ADGRE1: variants seen among roughly 807,000 people sequenced by gnomAD.
ADGRE1 encodes the protein EGF-like module receptor 1.
In ADGRE1, 82 loss-of-function variants were observed where a neutral mutation model predicts 102.7. The observed-to-expected ratio is 0.80, with a 90% CI of 0.67 to 0.96. The LOEUF (loss-of-function observed/expected upper bound fraction) is 0.96. ADGRE1 is among the 40% of genes least tolerant of loss of function. The pLI, the probability that ADGRE1 is intolerant of heterozygous loss-of-function variation, is 0.00. For synonymous variants in ADGRE1, 398 were observed against 399.6 expected (o/e 1.00, Z 0.05); for missense variants, 1,032 against 1,085.3 (o/e 0.95, Z 0.69).
chr19:6,891,610 C>T (rs1429228847), intron 2 of ADGRE1, among the ~76,000 whole-genome samples: 4 of 152,004 alleles, frequency 2.6e-5, no homozygotes, highest in Admixed American at 6.6e-5. Context: ...CCCGCCACCA[C>T]GCCTGGCTAA....
chr19:6,903,805 C>T lies in ADGRE1; in HGVS notation c.662-5C>T. On this transcript the variant is annotated splice_region_variant and splice_polypyrimidine_tract_variant and intron_variant, in intron 6 of 20. Transcript: ENST00000312053. The stretch of plus-strand genomic sequence containing the variant: ...TTGGCTCCACACCCATTCTGTACCC[C>T]ACAGATATTGATGAATGCACTGAAA... 2 of 1,613,970 alleles carry T rather than the reference C, an allele frequency of 1.2e-6. No homozygotes were observed. Among genetic ancestry groups the T allele is most frequent in the Non-Finnish European group, 8.5e-7 (1 of 1,179,904 alleles).
At chr19:6,891,074 T>A (rs1973348676) in intron 2 of ADGRE1, 2 of 152,462 alleles carry the variant, frequency 1.3e-5, no homozygotes, top group Admixed American at 1.3e-4. Context: ...ATTGTAAGAA[T>A]CCCCACGTGT....
Position 6,935,041 on chromosome 19 carries a change from A to G in ADGRE1, c.2344A>G (p.Ser782Gly), listed in dbSNP as rs1975340214. Residue 782 changes from serine (S) to glycine (G), a missense_variant, in exon 18 of 21, where the codon AGT (serine) becomes GGT (glycine). Ser to Gly is a moderately conservative substitution (Grantham distance 56). Transcript: ENST00000312053. Reference protein sequence around the residue: ...TLWILRQRLSSVNAEVSTLKD... With the variant: ...TLWILRQRLSGVNAEVSTLKD... ...GTGGATCCTGAGGCAGAGGCTTTCC[A>G]GTGTTAATGCCGAAGTCTCAACGCT... 6.2e-7 allele frequency: 1 copy of G among 1,601,484 alleles called. No individual in the cohort carries two copies. The highest frequency in any genetic ancestry group is 8.5e-7 in the Non-Finnish European group (1 of 1,173,604).
intron 14 of ADGRE1, among the ~76,000 whole-genome samples, chr19:6,923,082 G>GAAAA (rs1974738339): frequency 1.3e-5 from 2 of 152,064 alleles, no homozygotes. Flanking sequence ...GTCTCAAAAA[G>GAAAA]AAAGAAAGTA....
intron 2 of ADGRE1, among the ~76,000 whole-genome samples, chr19:6,890,916 A>G (rs1353186596): frequency 6.6e-6 from 1 of 152,072 alleles, no homozygotes; most frequent in Non-Finnish European, 1.5e-5. Context: ...TCAAACTACA[A>G]CTCAATGTGC....
intron 18 of ADGRE1, 78 bp downstream of exon 18, chr19:6,935,156 G>C: frequency 9.0e-7 from 1 of 1,113,768 alleles, no homozygotes. Context: ...AGCACTTCTT[G>C]TGTGCTGGGT....
intron 17 of ADGRE1, among the ~76,000 whole-genome samples, chr19:6,934,328 C>T (rs1285583983): frequency 6.6e-6 from 1 of 151,972 alleles, no homozygotes; most frequent in Non-Finnish European, 1.5e-5. Context: ...CTAACTAAGT[C>T]CTGCTGTCTT....
chr19:6,921,905 C>T (rs1416186542), intron 14 of ADGRE1, 22 bp downstream of exon 14: 1 of 1,583,314 alleles, frequency 6.3e-7, no homozygotes, highest in East Asian at 2.3e-5. Flanking sequence ...TGATTTGTTC[C>T]CTGAGGCAGA....
chr19:6,896,801 T>C, intron 3 of ADGRE1: 1 of 510,914 alleles, frequency 2.0e-6, no homozygotes. Flanking sequence ...CCTTGCTACT[T>C]CCCCACCCTT....
In ADGRE1 at chr19:6,904,019, T is replaced by A. The variant is rs747785291; in HGVS notation, c.803-17T>A. ...TTTGCTCTTCTGGGTTTCTTGATAT[T>A]CTCCAGTTCTTTGCAGATATTGATG... On this transcript the variant is annotated splice_polypyrimidine_tract_variant and intron_variant, in intron 7 of 20. Coordinates refer to ENST00000312053, the MANE Select transcript of ADGRE1 (RefSeq NM_001974.5). The A allele has an allele frequency of 6.2e-7, 1 of 1,614,042 alleles. No homozygotes were observed. The highest frequency in any genetic ancestry group is 2.2e-5 in the East Asian group (1 of 44,888).
Position 6,928,151 on chromosome 19 carries a change from G to A in ADGRE1, c.2229G>A (p.Trp743Ter). 6.2e-7 allele frequency: 1 copy of A among 1,613,756 alleles called. No individual in the cohort carries two copies. The highest frequency in any genetic ancestry group is 8.5e-7 in the Non-Finnish European group (1 of 1,179,834). ...PQGYGMHNRC[W>*]LNTETGFIWS... is the part of the protein sequence containing the mutation. ...CTCCTATTTCTCTCCACAGCTGCTG[G>A]CTGAATACAGAGACAGGGTTCATCT... Residue 743 changes from tryptophan (W) to a stop codon, truncating the protein, a stop_gained, in exon 17 of 21, where the codon TGG (tryptophan) becomes TGA (stop). Coordinates refer to ENST00000312053, the MANE Select transcript of ADGRE1 (RefSeq NM_001974.5). LOFTEE classifies it high-confidence loss of function.
chr19:6,902,042 A>C, intron 6 of ADGRE1, 21 bp downstream of exon 6: 1 of 1,613,866 alleles, frequency 6.2e-7, no homozygotes, highest in Non-Finnish European at 8.5e-7. Flanking sequence ...GTGTCTTCTG[A>C]GAAGTCAGGT....
At chr19:6,907,390 G>C (rs903491222) in intron 9 of ADGRE1, among the ~76,000 whole-genome samples, 3 of 150,902 alleles carry the variant, frequency 2.0e-5, no homozygotes, top group Non-Finnish European at 2.9e-5. Flanking sequence ...CCAGGCTGGA[G>C]TGCAGTGGGG....
rs767851248 is a variant in ADGRE1 at position 6,903,952 on chromosome 19, T to C, written c.802+2T>C. The C allele has an allele frequency of 3.7e-6, 6 of 1,614,178 alleles. No individual in the cohort carries two copies. Among genetic ancestry groups the C allele is most frequent in the Non-Finnish European group, 5.1e-6 (6 of 1,180,030 alleles). On this transcript the variant is annotated splice_donor_variant, in intron 7 of 20. Transcript: ENST00000312053. LOFTEE classifies it high-confidence loss of function. ...CAGACCAAGGAGTGGAATGTAGAGG[T>C]GAGCAGAGAGTTTGATGGACAATCC... is the stretch of plus-strand genomic sequence containing the variant.
At chr19:6,924,973 G>C in intron 15 of ADGRE1, 101 bp downstream of exon 15, 2 of 1,283,718 alleles carry the variant, frequency 1.6e-6, no homozygotes, top group Non-Finnish European at 2.2e-6. Context: ...CCTACCTCAG[G>C]GCCTTTGCAT....
chr19:6,918,293 TAGC>T (rs1974479211), intron 12 of ADGRE1, among the ~76,000 whole-genome samples: 1 of 151,440 alleles, frequency 6.6e-6, no homozygotes, highest in Admixed American at 6.6e-5. Flanking sequence ...TACAAAAAAT[TAGC>T]TGGGTGTGGT....
intron 13 of ADGRE1, 80 bp from the exon 14 acceptor site, chr19:6,921,633 T>C: frequency 7.0e-7 from 1 of 1,422,418 alleles, no homozygotes; most frequent in Non-Finnish European, 9.3e-7. Context: ...TCCCAGTGAC[T>C]CTTGAGGATG....
intron 20 of ADGRE1, among the ~76,000 whole-genome samples, chr19:6,938,368 C>T (rs1975520778): frequency 2.0e-5 from 3 of 151,878 alleles, no homozygotes; most frequent in Admixed American, 2.0e-4. Context: ...TAGATATCTT[C>T]ACATGTATAT....
At chr19:6,891,839 T>C (rs1217694730) in intron 2 of ADGRE1, among the ~76,000 whole-genome samples, 1 of 151,966 alleles carries the variant, frequency 6.6e-6, no homozygotes, top group Non-Finnish European at 1.5e-5. Context: ...AAAGGATGGA[T>C]GAATTGATGT....
Sources: gnomAD v4.1 joint callset for allele counts (sites outside exome capture counted in the v4.1 genomes callset) on GRCh38, gnomAD v4.1.1 for gene constraint, MANE v1.5 for transcripts, NCBI Gene and HGNC (gene_info 2026-07-23, HGNC 2026-07-21) for gene names.